AVEN: variants seen among roughly 807,000 people sequenced by gnomAD.
The protein encoded by AVEN is apoptosis and caspase activation inhibitor.
In AVEN, 41 loss-of-function variants were observed where a neutral mutation model predicts 38.1. The observed-to-expected ratio is 1.08, with a 90% CI of 0.84 to 1.40. AVEN has a LOEUF of 1.40. Among genes scored for constraint, AVEN ranks in the 40% most tolerant of loss-of-function variants. AVEN has a pLI of 0.00. For missense variants in AVEN, 605 were observed against 438.8 expected (o/e 1.38, Z -3.38); for synonymous variants, 206 against 171.8 (o/e 1.20, Z -1.56).
At chr15:33,899,459 C>CATTTTTTTTT in intron 2 of AVEN, among the ~76,000 whole-genome samples, 1 of 83,322 alleles carries the variant, frequency 1.2e-5, no homozygotes, top group South Asian at 4.3e-4. Context: ...TCAGGGAAAA[C>CATTTTTTTTT]CTTTTTTTTT....
chr15:33,974,369 A>G (rs1355687383), intron 2 of AVEN, among the ~76,000 whole-genome samples: 1 of 152,214 alleles, frequency 6.6e-6, no homozygotes, highest in African/African-American at 2.4e-5. Flanking sequence ...TGAGGAATGA[A>G]TCTTTGCAAG....
chr15:34,027,514 G>C (rs1898538581), intron 1 of AVEN, among the ~76,000 whole-genome samples: 1 of 141,186 alleles, frequency 7.1e-6, no homozygotes, highest in Non-Finnish European at 1.6e-5. Context: ...GGATGACAAA[G>C]AGAGACTCTG....
rs142308681 is a variant in AVEN, at chr15:34,001,820, T to A, written c.445+1212A>T. 4.8e-4 allele frequency among the ~76,000 whole-genome samples: 73 copies of A among 152,314 alleles called. No individual in the cohort carries two copies. In the East Asian group the frequency reaches 5.8e-3, roughly 12 times the overall value. On this transcript the variant is annotated intron_variant, in intron 2 of 5. Coordinates refer to ENST00000306730, the MANE Select transcript of AVEN (RefSeq NM_020371.3). ...GAATGCATCACTTTATTGTTCTTAG[T>A]CTGGTGCCAGCATTCAAAAATACAG...
chr15:33,980,764 G>A (rs1269029359), intron 2 of AVEN, among the ~76,000 whole-genome samples: 2 of 152,052 alleles, frequency 1.3e-5, no homozygotes, highest in Non-Finnish European at 2.9e-5. Context: ...GTGTAGGCAA[G>A]GACCTTAACT....
intron 2 of AVEN, among the ~76,000 whole-genome samples, chr15:33,905,469 A>G (rs1892664396): frequency 6.6e-6 from 1 of 152,198 alleles, no homozygotes; most frequent in South Asian, 2.1e-4. Context: ...AGCCCTCACA[A>G]TCTGCCTATC....
At chr15:33,964,622 T>C (rs187844963) in intron 2 of AVEN, among the ~76,000 whole-genome samples, 37 of 152,266 alleles carry the variant, frequency 2.4e-4, no homozygotes, top group Admixed American at 1.8e-3. Context: ...TCCCCCCTCA[T>C]ACCACTACTT....
chr15:33,970,822 A>G (rs1895605253), intron 2 of AVEN, among the ~76,000 whole-genome samples: 1 of 151,870 alleles, frequency 6.6e-6, no homozygotes, highest in Non-Finnish European at 1.5e-5. Flanking sequence ...ATATCCCACT[A>G]ATTTGGGGGC....
intron 2 of AVEN, among the ~76,000 whole-genome samples, chr15:33,914,970 G>T (rs1893069596): frequency 6.6e-6 from 1 of 152,144 alleles, no homozygotes; most frequent in African/African-American, 2.4e-5. Context: ...AGAAATGACT[G>T]ATTTCAGGGT....
upstream of AVEN, chr15:34,039,219 CG>C: frequency 2.2e-6 from 1 of 446,250 alleles, no homozygotes; most frequent in South Asian, 9.5e-5. Context: ...CGGGGCGGGG[CG>C]GGGCGGCCGG....
intron 2 of AVEN, among the ~76,000 whole-genome samples, chr15:33,907,712 A>G (rs142323015): frequency 6.6e-6 from 1 of 152,188 alleles, no homozygotes; most frequent in South Asian, 2.1e-4. Flanking sequence ...TTGTTTCTCT[A>G]AAGTCCTAAT....
At chr15:33,871,469 G>A (rs1289581640) in intron 3 of AVEN, among the ~76,000 whole-genome samples, 1 of 152,106 alleles carries the variant, frequency 6.6e-6, no homozygotes, top group Non-Finnish European at 1.5e-5. Context: ...TCGGGAGGCT[G>A]AGGCAGGAGA....
At chr15:33,925,304 A>G (rs1019250335) in intron 2 of AVEN, among the ~76,000 whole-genome samples, 5 of 152,142 alleles carry the variant, frequency 3.3e-5, no homozygotes, top group African/African-American at 1.2e-4. Context: ...ATCTACCCCA[A>G]CCTCCCTCTG....
At chr15:34,013,429 T>A (rs1897723430) in intron 1 of AVEN, among the ~76,000 whole-genome samples, 1 of 152,206 alleles carries the variant, frequency 6.6e-6, no homozygotes, top group South Asian at 2.1e-4. Flanking sequence ...TAAACTTATT[T>A]CTTTAAGTAC....
chr15:33,901,639 G>A (rs950261261), intron 2 of AVEN, among the ~76,000 whole-genome samples: 1 of 152,276 alleles, frequency 6.6e-6, no homozygotes, highest in East Asian at 1.9e-4. Context: ...CCAACAGTGT[G>A]CCAGGGTTCC....
At chr15:34,005,750 G>C (rs544972562) in intron 1 of AVEN, among the ~76,000 whole-genome samples, 2 of 152,256 alleles carry the variant, frequency 1.3e-5, no homozygotes, top group East Asian at 3.9e-4. Context: ...TTTAACACTA[G>C]TCAATAATCC....
At chr15:33,960,571 A>G (rs1895123674) in intron 2 of AVEN, among the ~76,000 whole-genome samples, 2 of 152,332 alleles carry the variant, frequency 1.3e-5, no homozygotes, top group Non-Finnish European at 1.5e-5. Flanking sequence ...GGGATTAAAA[A>G]AAAGAACTTC....
intron 2 of AVEN, chr15:33,972,385 CTAAATA>C (rs1376713036): frequency 6.6e-6 from 1 of 151,910 alleles, no homozygotes; most frequent in East Asian, 1.9e-4. Flanking sequence ...AAAGAGATCC[CTAAATA>C]TAGATTATAA....
At chr15:33,960,321 C>T (rs1392987958) in intron 2 of AVEN, among the ~76,000 whole-genome samples, 1 of 152,120 alleles carries the variant, frequency 6.6e-6, no homozygotes, top group Non-Finnish European at 1.5e-5. Flanking sequence ...AATGGAACTG[C>T]TGACACAACC....
chr15:33,904,764 T>C (rs1002442600), intron 2 of AVEN, among the ~76,000 whole-genome samples: 1 of 150,000 alleles, frequency 6.7e-6, no homozygotes, highest in African/African-American at 2.5e-5. Flanking sequence ...CACACACATA[T>C]ATATGTATAT....
Sources: allele counts gnomAD v4.1 joint callset (sites outside exome capture counted in the v4.1 genomes callset), GRCh38; gene constraint gnomAD v4.1.1; transcripts MANE v1.5; gene names NCBI Gene and HGNC (gene_info 2026-07-23, HGNC 2026-07-21).